Variants in FCHSD1 observed in about 807,000 individuals in gnomAD.
The protein encoded by FCHSD1 is FCH and double SH3 domains 1, also known as F-BAR and double SH3 domains protein 1.
Under a neutral mutation model 101.3 loss-of-function variants are expected in FCHSD1, and 109 were observed. That is an observed-to-expected ratio of 1.08 (90% CI 0.92 to 1.26). The LOEUF is 1.26. FCHSD1 is among the 50% of genes most tolerant of loss of function. The pLI is 0.00. For missense variants in FCHSD1, 820 were observed against 895.8 expected, an observed-to-expected ratio of 0.92 and a Z score of 1.08; for synonymous variants, 291 against 356.8, an observed-to-expected ratio of 0.82 and a Z score of 2.08.
At chr5:141,647,888 T>C (rs770571608) in intron 8 of FCHSD1, 80 bp downstream of exon 8, 56 of 1,547,754 alleles carry the variant, frequency 3.6e-5, no homozygotes, top group Non-Finnish European at 4.4e-5. Flanking sequence ...CACCACCCAC[T>C]GTCATGGGGA....
At chr5:141,643,309 G>A (rs534232693) in intron 17 of FCHSD1, among the ~76,000 whole-genome samples, 8 of 152,092 alleles carry the variant, frequency 5.3e-5, no homozygotes, top group Admixed American at 2.0e-4. Flanking sequence ...AGCACTTCAC[G>A]TGTACCAATT....
At position 141,649,062 on chromosome 5, in the gene FCHSD1, G is replaced by C. The variant is rs201374942; in HGVS notation, c.513-42C>G. 1.2e-6 allele frequency: 2 copies of C among 1,613,876 alleles called. No homozygotes were observed. Among genetic ancestry groups the C allele is most frequent in the African/African-American group, 1.3e-5 (1 of 75,004 alleles). ...AAGGAGTCAGGCCCACCCCAAGTGG[G>C]AGAATATGAGATCAGAGTCAGGCCC... On this transcript the variant is annotated intron_variant, in intron 6 of 19. Transcript: ENST00000435817. This position sits in a 1 kb window ranked among gnomAD's most constrained non-coding sequence, Gnocchi z 4.1.
chr5:141,642,699 A>T, intron 18 of FCHSD1: 1 of 546,882 alleles, frequency 1.8e-6, no homozygotes, highest in Non-Finnish European at 3.2e-6. Flanking sequence ...TGCCAGGCAC[A>T]ATGCTGTGTA....
chr5:141,644,733 C>T (rs1353230235), intron 15 of FCHSD1, 43 bp from the exon 16 acceptor site: 4 of 1,610,880 alleles, frequency 2.5e-6, no homozygotes, highest in Non-Finnish European at 2.5e-6. Flanking sequence ...CTTACCTCAG[C>T]AGTCCATGAC....
Position 141,647,140 on chromosome 5 carries a change from C to G in FCHSD1, c.919G>C (p.Asp307His). 5 of 1,605,316 alleles carry G rather than the reference C, an allele frequency of 3.1e-6. No individual in the cohort carries two copies. The South Asian group carries it at 5.6e-5, about 18-fold the overall frequency. Reference protein sequence around the residue: ...PPQQFQPAGTDQVCVLEWGAE... With the variant: ...PPQQFQPAGTHQVCVLEWGAE... Reference sequence around the variant, plus strand: ...AACAAGCAGGAAGATCTCACCTGATCAGTCCCTGCTGGCTGAAACTGCTGA... The same window carrying G: ...AACAAGCAGGAAGATCTCACCTGATGAGTCCCTGCTGGCTGAAACTGCTGA... Residue 307 changes from aspartate to histidine, a missense_variant, in exon 10 of 20, where the codon GAT becomes CAT. By Grantham distance (81) the Asp-to-His change is moderately conservative (BLOSUM62 -1). Transcript: ENST00000435817.
rs147101461 is a variant in FCHSD1 at position 141,644,730 on chromosome 5, C to T, written c.1525-40G>A. On this transcript the variant is annotated intron_variant, in intron 15 of 19. Transcript: ENST00000435817. Reference sequence around the variant, plus strand: ...ATGTGAACAGATATTAGACTTACCTCAGCAGTCCATGACCCTGGCTCTCTT... The same window carrying T: ...ATGTGAACAGATATTAGACTTACCTTAGCAGTCCATGACCCTGGCTCTCTT... The T allele has an allele frequency of 3.0e-4, 487 of 1,611,706 alleles. 2 individuals are homozygous for T. The African/African-American group carries it at 5.9e-3, about 19-fold the overall frequency.
rs541147231 is a variant in FCHSD1 at position 141,640,123 on chromosome 5, C to G, written c.*1375G>C. The G allele has an allele frequency of 5.0e-6, 8 of 1,614,012 alleles. No individual in the cohort carries two copies. The South Asian group carries it at 6.6e-5, about 13-fold the overall frequency. ...CAGCCCCAGGTCCTAGCCAGCCCCC[C>G]AGTACAGAATGGAGGACTCAGGGAC... On this transcript the variant is annotated 3_prime_UTR_variant, in exon 20 of 20. Transcript: ENST00000435817.
chr5:141,649,018 A>G lies in FCHSD1; in HGVS notation c.515T>C (p.Leu172Pro). ...QEKAADVQAR[L>P]NRSDHGIFHS... Reference sequence around the variant, plus strand: ...GAAGATCCCATGGTCACTTCGGTTTAGCCTGTGCAGATGAGAGAAAGGAGT... The same window carrying G: ...GAAGATCCCATGGTCACTTCGGTTTGGCCTGTGCAGATGAGAGAAAGGAGT... The change falls in exon 7 of 20, where the codon CTA (leucine) becomes CCA (proline). Residue 172 changes from leucine to proline, a missense_variant and splice_region_variant. Transcript: ENST00000435817. The surrounding 1 kb of genome is among the most constrained non-coding windows in gnomAD (Gnocchi z 4.1). 1 of 1,613,970 alleles carries G rather than the reference A, an allele frequency of 6.2e-7. No homozygotes were observed. Among genetic ancestry groups the G allele is most frequent in the African/African-American group, 1.3e-5 (1 of 75,022 alleles).
chr5:141,643,789 G>A (rs1478465119), intron 17 of FCHSD1, among the ~76,000 whole-genome samples: 2 of 151,738 alleles, frequency 1.3e-5, no homozygotes, highest in South Asian at 2.1e-4. Context: ...CAGAGGTTGC[G>A]GTGAGCTGAG....
Position 141,649,605 on chromosome 5 carries a change from GC to G in FCHSD1, c.234-70del, listed in dbSNP as rs1447431364. On this transcript the variant is annotated intron_variant, in intron 4 of 19. Coordinates refer to ENST00000435817, the MANE Select transcript of FCHSD1 (RefSeq NM_033449.3). This position sits in a 1 kb window ranked among gnomAD's most constrained non-coding sequence, Gnocchi z 4.1. The stretch of plus-strand genomic sequence containing the variant: ...CTTCATGAGACCACCCCCACCCCCT[GC>G]CCCCTGACCAACACCATGGGAGACA... 6.5e-6 allele frequency: 10 copies of G among 1,538,916 alleles called. No homozygotes were observed. The Admixed American group carries it at 7.8e-5, about 12-fold the overall frequency.
In FCHSD1 at chr5:141,646,071, C is replaced by T. The variant is rs375244135; in HGVS notation, c.1149+16G>A. On this transcript the variant is annotated intron_variant, in intron 12 of 19. Transcript: ENST00000435817. The stretch of plus-strand genomic sequence containing the variant: ...CCTGAGAAGGTGGGATCTCTAACCT[C>T]AGGGGTGTGCCTCACCTGTGCCCGG... The T allele has an allele frequency of 4.8e-4, 766 of 1,601,874 alleles. 10 individuals carry two copies. In the South Asian group the frequency reaches 7.2e-3, roughly 15 times the overall value.
At chr5:141,641,653 T>C (rs1177189708) in intron 19 of FCHSD1, 49 bp downstream of exon 19, 3 of 1,612,672 alleles carry the variant, frequency 1.9e-6, no homozygotes, top group South Asian at 2.2e-5. Context: ...ACAGGACTGG[T>C]TGGAATAACC....
Position 141,639,967 on chromosome 5 carries a change from G to T in FCHSD1, c.*1531C>A, listed in dbSNP as rs368350946. On this transcript the variant is annotated 3_prime_UTR_variant, in exon 20 of 20. Transcript: ENST00000435817. This position sits in a 1 kb window ranked among gnomAD's most constrained non-coding sequence, Gnocchi z 4.4. ...AAGCGCTATGGACTGCACGAACACC[G>T]TGATGGCTCCCCCACAGACAGGAGC... 1.2e-6 allele frequency: 2 copies of T among 1,613,872 alleles called. No homozygotes were observed. The highest frequency in any genetic ancestry group is 3.3e-5 in the Admixed American group (2 of 59,998).
In FCHSD1 at chr5:141,641,189, G is replaced by A. The variant is rs2099906853; in HGVS notation, c.*309C>T. On this transcript the variant is annotated 3_prime_UTR_variant, in exon 20 of 20. Transcript: ENST00000435817. ...TGGAGCCAGGGTGGGGAAAGAGGTGGGCCAGAACTACTAGAGACCTTGATG... is the reference window on the plus strand; with the variant it reads ...TGGAGCCAGGGTGGGGAAAGAGGTGAGCCAGAACTACTAGAGACCTTGATG... 1 of 358,726 alleles carries A rather than the reference G, an allele frequency of 2.8e-6. No homozygotes were observed. Among genetic ancestry groups the A allele is most frequent in the Non-Finnish European group, 5.0e-6 (1 of 199,626 alleles). The allele number at this position is 358,726 out of a possible 1,614,324, so 22.2% of individuals were successfully genotyped here.
In FCHSD1 at chr5:141,651,060, T is replaced by A. The variant is rs1343589942; in HGVS notation, c.79A>T (p.Thr27Ser). 1.3e-6 allele frequency: 2 copies of A among 1,599,216 alleles called. No individual in the cohort carries two copies. Among genetic ancestry groups the A allele is most frequent in the Admixed American group, 1.7e-5 (1 of 58,028 alleles). Residue 27 changes from threonine to serine, a missense_variant, in exon 2 of 20, where the codon ACC becomes TCC. Coordinates refer to ENST00000435817, the MANE Select transcript of FCHSD1 (RefSeq NM_033449.3). ...AGATCCGCCTCCCTCTGCTGCCAGGTCTGAAGGATGCTCAGCTGTTCCAGG... is the reference window on the plus strand; with the variant it reads ...AGATCCGCCTCCCTCTGCTGCCAGGACTGAAGGATGCTCAGCTGTTCCAGG... ...RFLEQLSILQ[T>S]WQQREADLLE...
chr5:141,650,294 C>A (rs2099908211), intron 3 of FCHSD1, 65 bp downstream of exon 3: 1 of 1,601,704 alleles, frequency 6.2e-7, no homozygotes, highest in Non-Finnish European at 8.6e-7. Context: ...TAGGTATGGA[C>A]AGACATTACT....
chr5:141,646,323 T>C (rs1452865449), intron 11 of FCHSD1, 132 bp from the exon 12 acceptor site: 5 of 991,894 alleles, frequency 5.0e-6, no homozygotes, highest in Admixed American at 2.0e-5. Context: ...GGTGCTATTA[T>C]TGGCCCTACT....
intron 16 of FCHSD1, 43 bp from the exon 17 acceptor site, chr5:141,644,481 A>G (rs469522): frequency 0.32 from 515,350 of 1,606,958 alleles, 86,856 homozygotes; most frequent in African/African-American, 0.39. Context: ...GGTGGGTAGC[A>G]GTGCCCCAGG....
chr5:141,642,977 A>T (rs702380), intron 18 of FCHSD1, 24 bp downstream of exon 18: 2 of 1,550,184 alleles, frequency 1.3e-6, no homozygotes, highest in Non-Finnish European at 1.7e-6. Context: ...TAGCCTCCCA[A>T]GGCTCCCAGT....
Sources: allele counts gnomAD v4.1 joint callset (sites outside exome capture counted in the v4.1 genomes callset), GRCh38; gene constraint gnomAD v4.1.1; non-coding constraint Gnocchi (gnomAD v3.1); transcripts MANE v1.5; gene names NCBI Gene and HGNC (gene_info 2026-07-23, HGNC 2026-07-21).